The following CCBE1 variants were observed in gnomAD, a reference collection of about 807,000 sequenced individuals.
The protein encoded by CCBE1 is collagen and calcium-binding EGF domain-containing protein 1.
Under a neutral mutation model 50.0 loss-of-function variants are expected in CCBE1, and 37 were observed. The observed-to-expected ratio is 0.74, with a 90% confidence interval of 0.57 to 0.97. The LOEUF is 0.97. Ranked by LOEUF, CCBE1 falls within the 50% of genes least tolerant of loss-of-function variation. The probability of loss-of-function intolerance (pLI) is 0.00; values close to 1 mark genes in which losing one functional copy is unlikely to be tolerated. For synonymous variants in CCBE1, 234 were observed against 203.7 expected, an observed-to-expected ratio of 1.15 and a Z score of -1.27; for missense variants, 538 against 523.8, an observed-to-expected ratio of 1.03 and a Z score of -0.26.
chr18:59,487,000 A>C (rs918117873), intron 2 of CCBE1, among the ~76,000 whole-genome samples: 4 of 151,626 alleles, frequency 2.6e-5, no homozygotes, highest in African/African-American at 9.7e-5. Flanking sequence ...GCTGAGTAGA[A>C]CCTGGCCTCT....
chr18:59,595,788 AT>A (rs1370508333), intron 2 of CCBE1, among the ~76,000 whole-genome samples: 3 of 152,182 alleles, frequency 2.0e-5, no homozygotes, highest in Admixed American at 1.3e-4. Flanking sequence ...TACTGTAAAG[AT>A]TTTCAGGATG....
At chr18:59,493,010 T>C (rs553586570) in intron 2 of CCBE1, among the ~76,000 whole-genome samples, 23 of 152,234 alleles carry the variant, frequency 1.5e-4, no homozygotes, top group Non-Finnish European at 3.2e-4. Flanking sequence ...GCGCTCGGCC[T>C]TTCTGCTGCA....
intron 2 of CCBE1, among the ~76,000 whole-genome samples, chr18:59,502,323 G>A (rs1913659772): frequency 6.6e-6 from 1 of 152,186 alleles, no homozygotes; most frequent in Non-Finnish European, 1.5e-5. Flanking sequence ...ATCCCTGGTG[G>A]GACACAGGCA....
At chr18:59,497,910 T>C (rs945698160) in intron 2 of CCBE1, among the ~76,000 whole-genome samples, 4 of 152,172 alleles carry the variant, frequency 2.6e-5, no homozygotes, top group African/African-American at 9.7e-5. Flanking sequence ...GCCAGACCAA[T>C]TACAAATCCT....
At chr18:59,460,804 G>A (rs1457797854) in intron 5 of CCBE1, among the ~76,000 whole-genome samples, 7 of 151,970 alleles carry the variant, frequency 4.6e-5, no homozygotes, top group Non-Finnish European at 7.4e-5. Flanking sequence ...GCATGGTGGC[G>A]CACGTCTGTA....
chr18:59,526,699 G>A (rs553431422), intron 2 of CCBE1, among the ~76,000 whole-genome samples: 2 of 152,128 alleles, frequency 1.3e-5, no homozygotes, highest in Non-Finnish European at 2.9e-5. Flanking sequence ...AGAGATTCTG[G>A]TATGTTGTCT....
At chr18:59,485,592 T>TTATTTATTTATTTATG (rs1251607736) in intron 2 of CCBE1, among the ~76,000 whole-genome samples, 1 of 147,226 alleles carries the variant, frequency 6.8e-6, no homozygotes, top group African/African-American at 2.6e-5. Context: ...AGATATTTAT[T>TTATTTATTTATTTATG]TATTTATTTA....
intron 2 of CCBE1, among the ~76,000 whole-genome samples, chr18:59,683,123 C>G (rs2054614181): frequency 6.6e-6 from 1 of 152,190 alleles, no homozygotes; most frequent in Admixed American, 6.5e-5. Flanking sequence ...ATCATGAAGG[C>G]AGTTTCTTTT....
In CCBE1 at chr18:59,626,496, T is replaced by C. The variant is rs527855142; in HGVS notation, c.212+70133A>G. Reference sequence around the variant, plus strand: ...GTAGCCCTGGCACTGATTCCACACTTCAATATGGAAAATACTCAAATACCA... The same window carrying C: ...GTAGCCCTGGCACTGATTCCACACTCCAATATGGAAAATACTCAAATACCA... On this transcript the variant is annotated intron_variant, in intron 2 of 10. Transcript: ENST00000439986. Among the ~76,000 whole-genome samples, 150 of 152,352 alleles carry C rather than the reference T, an allele frequency of 9.8e-4. 1 individual carries two copies. The highest frequency in any genetic ancestry group is 3.4e-3 in the Middle Eastern group (1 of 294).
chr18:59,456,520 G>A (rs1418321272), intron 5 of CCBE1, among the ~76,000 whole-genome samples: 1 of 152,186 alleles, frequency 6.6e-6, no homozygotes, highest in Non-Finnish European at 1.5e-5. Flanking sequence ...ATTGCCCGCT[G>A]ATGACCAGAT....
intron 2 of CCBE1, among the ~76,000 whole-genome samples, chr18:59,486,265 C>T (rs921143582): frequency 2.0e-5 from 3 of 152,200 alleles, no homozygotes; most frequent in African/African-American, 7.2e-5. Context: ...GTAAATACAA[C>T]AAGCAAATGG....
chr18:59,470,370 C>T (rs1452030684), intron 3 of CCBE1, among the ~76,000 whole-genome samples: 2 of 152,012 alleles, frequency 1.3e-5, no homozygotes, highest in African/African-American at 2.4e-5. Flanking sequence ...TCCCATGACA[C>T]GAGGGAATTA....
chr18:59,645,849 G>T (rs932888825), intron 2 of CCBE1, among the ~76,000 whole-genome samples: 2 of 152,128 alleles, frequency 1.3e-5, no homozygotes, highest in African/African-American at 4.8e-5. Context: ...GGCTAACACG[G>T]TGAAACCCCG....
At chr18:59,477,290 GACA>G (rs1912354171) in intron 3 of CCBE1, among the ~76,000 whole-genome samples, 1 of 152,188 alleles carries the variant, frequency 6.6e-6, no homozygotes, top group Non-Finnish European at 1.5e-5. Flanking sequence ...GTCAGCAGAA[GACA>G]ACAACTCAAT....
chr18:59,611,423 C>T (rs930981741), intron 2 of CCBE1, among the ~76,000 whole-genome samples: 5 of 152,210 alleles, frequency 3.3e-5, no homozygotes, highest in Non-Finnish European at 7.3e-5. Flanking sequence ...GAGAAGCCCA[C>T]ACATGAGTGA....
intron 5 of CCBE1, among the ~76,000 whole-genome samples, chr18:59,466,347 C>A (rs940700203): frequency 2.6e-5 from 4 of 152,002 alleles, no homozygotes; most frequent in African/African-American, 9.7e-5. Context: ...GGTACACGTT[C>A]TCTTGCCTGC....
chr18:59,574,158 C>T (rs2052956425), intron 2 of CCBE1, among the ~76,000 whole-genome samples: 1 of 152,102 alleles, frequency 6.6e-6, no homozygotes, highest in Non-Finnish European at 1.5e-5. Context: ...ACACTAGTGC[C>T]TCCCATGTGA....
intron 2 of CCBE1, among the ~76,000 whole-genome samples, chr18:59,527,314 G>A (rs1227786708): frequency 1.3e-5 from 2 of 151,992 alleles, no homozygotes; most frequent in East Asian, 3.9e-4. Context: ...TCAGAAACTA[G>A]GATTGCAACC....
intron 2 of CCBE1, among the ~76,000 whole-genome samples, chr18:59,652,319 T>A (rs745439484): frequency 2.6e-5 from 4 of 152,212 alleles, no homozygotes; most frequent in Non-Finnish European, 5.9e-5. Flanking sequence ...AAGTTGAGGA[T>A]GCCACCTGAT....
Sources: allele counts gnomAD v4.1 joint callset (sites outside exome capture counted in the v4.1 genomes callset), GRCh38; gene constraint gnomAD v4.1.1; transcripts MANE v1.5; gene names NCBI Gene and HGNC (gene_info 2026-07-23, HGNC 2026-07-21).